TCF3: variants seen among roughly 807,000 people sequenced by gnomAD.
TCF3 encodes transcription factor E2-alpha.
In TCF3, 54 loss-of-function variants were observed where a neutral mutation model predicts 72.3. The ratio of observed to expected loss-of-function variants is 0.75; its 90% CI spans 0.60 to 0.94. The LOEUF (loss-of-function observed/expected upper bound fraction) is 0.94, where lower values mean the gene tolerates loss of function less well. Ranked by LOEUF, TCF3 falls within the 40% of genes least tolerant of loss-of-function variation. The pLI is 0.00. For synonymous variants in TCF3, 525 were observed against 412.6 expected, an observed-to-expected ratio of 1.27 and a Z score of -3.30; for missense variants, 1,078 against 934.4, an observed-to-expected ratio of 1.15 and a Z score of -2.00.
rs1445581828 is a variant in TCF3, at chr19:1,619,339, G to A, written c.1303C>T (p.Leu435=). 11 of 1,580,114 alleles carry A rather than the reference G, an allele frequency of 7.0e-6. No homozygotes were observed. The South Asian group carries it at 1.2e-4, about 18-fold the overall frequency. ...LASGFTGPMS[L]GGRHAGLVGG... is the part of the protein sequence containing the mutation. The stretch of plus-strand genomic sequence containing the variant: ...ACCAGGCCTGCGTGCCGCCCGCCCA[G>A]TGACATGGGGCCGGTGAAACCTGAG... Residue 435 remains leucine, a synonymous_variant, in exon 15 of 19, where the codon CTG becomes TTG. Transcript: ENST00000262965.
chr19:1,620,444 G>A (rs997258735), intron 13 of TCF3, among the ~76,000 whole-genome samples: 4 of 152,232 alleles, frequency 2.6e-5, no homozygotes, highest in Non-Finnish European at 5.9e-5. Context: ...AGGGTAAACA[G>A]TCAGTACCTA....
chr19:1,619,038 C>G, intron 16 of TCF3, 73 bp downstream of exon 16: 2 of 1,592,422 alleles, frequency 1.3e-6, no homozygotes, highest in Non-Finnish European at 1.7e-6. Context: ...CCCACCCTGA[C>G]CCCCACCACT....
At chr19:1,631,897 G>A (rs2063758445) in intron 5 of TCF3, 141 bp downstream of exon 5, 2 of 1,529,378 alleles carry the variant, frequency 1.3e-6, no homozygotes, top group Non-Finnish European at 1.8e-6. Flanking sequence ...CTGCTCCCAG[G>A]ACGGGCAGAG....
intron 7 of TCF3, 44 bp from the exon 8 acceptor site, chr19:1,624,044 A>G: frequency 6.3e-7 from 1 of 1,594,520 alleles, no homozygotes; most frequent in Non-Finnish European, 8.6e-7. Context: ...CGGCCATGAG[A>G]ACAACCCCTG....
In TCF3 at chr19:1,632,930, G is replaced by A. The variant is rs2063887023; in HGVS notation, c.146-525C>T. Among the ~76,000 whole-genome samples, 4 of 152,232 alleles carry A rather than the reference G, an allele frequency of 2.6e-5. No homozygotes were observed. In the South Asian group the frequency reaches 8.3e-4, roughly 32 times the overall value. ...GTGGGAAGTGGGGCCGCCCTTTGCT[G>A]AAGCAGCAGCAGAGGCTCACCCATC... On this transcript the variant is annotated intron_variant, in intron 3 of 18. Transcript: ENST00000262965.
intron 2 of TCF3, among the ~76,000 whole-genome samples, chr19:1,647,549 G>C (rs565088074): frequency 6.6e-6 from 1 of 152,326 alleles, no homozygotes; most frequent in African/African-American, 2.4e-5. Flanking sequence ...GAGGAAGAAC[G>C]GTCTTGCGGG....
Position 1,652,493 on chromosome 19 carries a change from C to T in TCF3, c.-233G>A, listed in dbSNP as rs1368989313. 4 of 144,588 alleles carry T rather than the reference C, an allele frequency of 2.8e-5. No individual in the cohort carries two copies. The highest frequency in any genetic ancestry group is 2.7e-4 in the Admixed American group (4 of 14,662). The allele number at this position is 144,588 out of a possible 1,614,324, so 9.0% of individuals were successfully genotyped here. A position where few individuals can be genotyped will look rare whatever the true frequency, so the allele number is the denominator to read the frequency against. On this transcript the variant is annotated 5_prime_UTR_variant, in exon 1 of 19. Transcript: ENST00000262965. ...CGCGGGGCCCGTGCGCGCGGCCGGC[C>T]GGGGCGCCCCTGGGGCAGCGGCGTG...
At chr19:1,646,667 G>A (rs1462792261) in intron 2 of TCF3, among the ~76,000 whole-genome samples, 3 of 152,126 alleles carry the variant, frequency 2.0e-5, no homozygotes, top group Non-Finnish European at 2.9e-5. Flanking sequence ...AACTCCAGAC[G>A]ATGACCCCGC....
At chr19:1,630,726 C>G (rs2063602170) in intron 5 of TCF3, among the ~76,000 whole-genome samples, 1 of 152,196 alleles carries the variant, frequency 6.6e-6, no homozygotes, top group Non-Finnish European at 1.5e-5. Flanking sequence ...ACCACAAATT[C>G]CACAGCTGAG....
At chr19:1,637,372 G>C (rs1156659894) in intron 3 of TCF3, among the ~76,000 whole-genome samples, 1 of 152,192 alleles carries the variant, frequency 6.6e-6, no homozygotes, top group Non-Finnish European at 1.5e-5. Context: ...CCCAGAAGCA[G>C]GGGCGCCTTG....
chr19:1,646,760 C>T (rs189890323), intron 2 of TCF3, among the ~76,000 whole-genome samples: 23 of 152,316 alleles, frequency 1.5e-4, no homozygotes, highest in Middle Eastern at 3.4e-3. Flanking sequence ...TCCCATTAGG[C>T]GAAGGATACA....
intron 15 of TCF3, 31 bp downstream of exon 15, chr19:1,619,285 C>A: frequency 6.4e-7 from 1 of 1,567,758 alleles, no homozygotes. Context: ...TCCCCGCCCA[C>A]TGCCCAGCTC....
intron 14 of TCF3, 131 bp downstream of exon 14, chr19:1,619,649 G>A (rs1446683209): frequency 2.6e-5 from 32 of 1,254,298 alleles, no homozygotes; most frequent in Non-Finnish European, 2.8e-5. Context: ...GTGCCTTGGC[G>A]GCCACGAGGC....
At position 1,615,501 on chromosome 19, in the gene TCF3, C is replaced by A. The variant is rs765725759; in HGVS notation, c.1606G>T (p.Asp536Tyr). The part of the protein sequence containing the change: ...ARTSPDEDED[D>Y]LLPPEQKAER... ...GCCTTCTGCTCTGGGGGGAGAAGGTCGTCCTCGTCCTCGTCTGGGCTATGG... is the reference window on the plus strand; with the variant it reads ...GCCTTCTGCTCTGGGGGGAGAAGGTAGTCCTCGTCCTCGTCTGGGCTATGG... The change falls in exon 18 of 19, where the codon GAC becomes TAC. Residue 536 changes from aspartate to tyrosine, a missense_variant. By Grantham distance (160) the Asp-to-Tyr change is radical. Coordinates refer to ENST00000262965, the MANE Select transcript of TCF3 (RefSeq NM_003200.5). The surrounding 1 kb of genome is among the most constrained non-coding windows in gnomAD (Gnocchi z 7.3). 6.2e-7 allele frequency: 1 copy of A among 1,608,640 alleles called. No homozygotes were observed. Among genetic ancestry groups the A allele is most frequent in the South Asian group, 1.1e-5 (1 of 91,062 alleles).
intron 14 of TCF3, 136 bp downstream of exon 14, chr19:1,619,644 T>C (rs1386421213): frequency 1.6e-6 from 2 of 1,269,010 alleles, no homozygotes; most frequent in Non-Finnish European, 2.2e-6. Flanking sequence ...TGTGTGTGCC[T>C]TGGCGGCCAC....
intron 3 of TCF3, among the ~76,000 whole-genome samples, chr19:1,639,299 C>T (rs1413564487): frequency 6.6e-6 from 1 of 152,200 alleles, no homozygotes; most frequent in African/African-American, 2.4e-5. Flanking sequence ...CTGCCTTGGC[C>T]TCCCAAAGTG....
chr19:1,642,195 G>GAC (rs2065379294), intron 3 of TCF3, among the ~76,000 whole-genome samples: 1 of 112,586 alleles, frequency 8.9e-6, no homozygotes, highest in Non-Finnish European at 2.0e-5. Context: ...CGCAGACACA[G>GAC]ACGCAGACAC....
intron 18 of TCF3, among the ~76,000 whole-genome samples, chr19:1,613,047 G>A (rs867560062): frequency 2.7e-5 from 4 of 150,408 alleles, no homozygotes; most frequent in Admixed American, 6.6e-5. Context: ...GTAGGTACAC[G>A]GCTGGTGTCG....
chr19:1,618,124 C>T (rs568836116), intron 16 of TCF3, among the ~76,000 whole-genome samples: 1 of 152,128 alleles, frequency 6.6e-6, no homozygotes, highest in South Asian at 2.1e-4. Flanking sequence ...AGATTTGTCC[C>T]CAACCTTTTC....
Sources: allele counts gnomAD v4.1 joint callset (sites outside exome capture counted in the v4.1 genomes callset), GRCh38; gene constraint gnomAD v4.1.1; non-coding constraint Gnocchi (gnomAD v3.1); transcripts MANE v1.5; gene names NCBI Gene and HGNC (gene_info 2026-07-23, HGNC 2026-07-21).